SLC16A7: variants seen among roughly 807,000 people sequenced by gnomAD.
The protein encoded by SLC16A7 is solute carrier family 16 member 7, also known as monocarboxylate transporter 2.
Under a neutral mutation model 34.9 loss-of-function variants are expected in SLC16A7, and 33 were observed. That is an observed-to-expected ratio of 0.94 (90% confidence interval 0.72 to 1.26). SLC16A7 has a LOEUF of 1.26. SLC16A7 is among the 50% of genes most tolerant of loss of function. The pLI is 0.00. For synonymous variants in SLC16A7, 201 were observed against 206.6 expected, an observed-to-expected ratio of 0.97 and a Z score of 0.23; for missense variants, 573 against 578.1, an observed-to-expected ratio of 0.99 and a Z score of 0.09.
chr12:59,649,316 G>A (rs758238872), intron 1 of SLC16A7, among the ~76,000 whole-genome samples: 1 of 152,150 alleles, frequency 6.6e-6, no homozygotes, highest in Admixed American at 6.5e-5. Context: ...GTGCATAGCT[G>A]TGTAAGCGAG....
intron 2 of SLC16A7, among the ~76,000 whole-genome samples, chr12:59,655,629 A>G (rs2137023578): frequency 6.6e-6 from 1 of 152,068 alleles, no homozygotes; most frequent in Admixed American, 6.6e-5. Flanking sequence ...AGCTAGAGGT[A>G]TATACTTTTA....
rs543596862 is a variant in SLC16A7 at position 59,774,686 on chromosome 12, G to C, written c.391G>C (p.Ala131Pro). The C allele has an allele frequency of 6.2e-7, 1 of 1,600,346 alleles. No homozygotes were observed. Among genetic ancestry groups the C allele is most frequent in the South Asian group, 1.1e-5 (1 of 88,132 alleles). Residue 131 changes from alanine to proline, a missense_variant, in exon 5 of 6, where the codon GCC becomes CCC. Transcript: ENST00000547379. Reference protein sequence around the residue: ...GLGLAFNLQPALTIIGKYFYR... With the variant: ...GLGLAFNLQPPLTIIGKYFYR... ...AGGTTTAGCCTTCAACCTGCAACCC[G>C]CCTTAACCATAATTGGCAAATACTT...
intron 1 of SLC16A7, among the ~76,000 whole-genome samples, chr12:59,633,505 G>C (rs1174026426): frequency 6.6e-6 from 1 of 151,936 alleles, no homozygotes; most frequent in African/African-American, 2.4e-5. Flanking sequence ...CTAGTGTGGT[G>C]CTTCATTTTT....
chr12:59,605,325 C>T (rs1030062204), intron 1 of SLC16A7, among the ~76,000 whole-genome samples: 8 of 152,080 alleles, frequency 5.3e-5, no homozygotes, highest in South Asian at 2.1e-4. Context: ...CAGTAGGGAC[C>T]GAAGGAACAG....
chr12:59,624,383 T>A (rs1256651622), intron 1 of SLC16A7, among the ~76,000 whole-genome samples: 1 of 151,778 alleles, frequency 6.6e-6, no homozygotes, highest in Non-Finnish European at 1.5e-5. Flanking sequence ...TTTTTGATAA[T>A]CTTGCTACTT....
rs547825382 is a variant in SLC16A7 at position 59,748,432 on chromosome 12, A to T, written c.218-22787A>T. ...GCTAAAGTGTTGTGTCATGCCTAAA[A>T]CATGTGTGACACTTATCTCTATGTG... On this transcript the variant is annotated intron_variant, in intron 3 of 5. Coordinates refer to ENST00000547379, the MANE Select transcript of SLC16A7 (RefSeq NM_001270623.2). 2.6e-5 allele frequency among the ~76,000 whole-genome samples: 4 copies of T among 152,284 alleles called. No individual in the cohort carries two copies. In the East Asian group the frequency reaches 7.7e-4, roughly 29 times the overall value.
intron 1 of SLC16A7, among the ~76,000 whole-genome samples, chr12:59,631,015 A>G (rs1880158157): frequency 6.6e-6 from 1 of 151,912 alleles, no homozygotes; most frequent in South Asian, 2.1e-4. Context: ...GTCTTAGCTT[A>G]TTTTTGGCTA....
At chr12:59,665,336 G>C (rs1869104150) in intron 2 of SLC16A7, among the ~76,000 whole-genome samples, 1 of 151,680 alleles carries the variant, frequency 6.6e-6, no homozygotes, top group Non-Finnish European at 1.5e-5. Context: ...AAGACTAAAT[G>C]TTTAATCACT....
chr12:59,757,422 G>T (rs1040182013), intron 3 of SLC16A7, among the ~76,000 whole-genome samples: 1 of 152,080 alleles, frequency 6.6e-6, no homozygotes, highest in Non-Finnish European at 1.5e-5. Context: ...AGACAAAGTA[G>T]TTCCAGAAAA....
chr12:59,689,956 G>T (rs1004676139), intron 2 of SLC16A7, among the ~76,000 whole-genome samples: 7 of 151,964 alleles, frequency 4.6e-5, no homozygotes, highest in African/African-American at 1.7e-4. Context: ...TGGAATTCCA[G>T]GCTCTCTATG....
At chr12:59,658,714 C>G (rs935902159) in intron 2 of SLC16A7, among the ~76,000 whole-genome samples, 1 of 151,950 alleles carries the variant, frequency 6.6e-6, no homozygotes, top group Non-Finnish European at 1.5e-5. Context: ...TTTACATAGA[C>G]TATGGATTGT....
intron 3 of SLC16A7, among the ~76,000 whole-genome samples, chr12:59,762,966 G>A (rs12298625): frequency 0.017 from 2,632 of 152,012 alleles, 57 homozygotes; most frequent in African/African-American, 0.059. Flanking sequence ...ATTTTCATGG[G>A]TTTAAGTATT....
intron 1 of SLC16A7, among the ~76,000 whole-genome samples, chr12:59,629,857 T>C (rs778245436): frequency 2.6e-5 from 4 of 151,948 alleles, no homozygotes; most frequent in Non-Finnish European, 5.9e-5. Flanking sequence ...AAGAATCTGT[T>C]TTCTCTTTTG....
At chr12:59,603,416 T>C (rs1309727460) in intron 1 of SLC16A7, among the ~76,000 whole-genome samples, 2 of 152,174 alleles carry the variant, frequency 1.3e-5, no homozygotes, top group Non-Finnish European at 2.9e-5. Flanking sequence ...TCATGCCTCG[T>C]TCATTCTCAT....
At chr12:59,745,727 A>G (rs2137301882) in intron 3 of SLC16A7, among the ~76,000 whole-genome samples, 1 of 152,326 alleles carries the variant, frequency 6.6e-6, no homozygotes, top group East Asian at 1.9e-4. Context: ...TTTAAGATTA[A>G]TTTTGAAATT....
intron 1 of SLC16A7, among the ~76,000 whole-genome samples, chr12:59,623,524 A>T (rs982685669): frequency 6.6e-6 from 1 of 151,752 alleles, no homozygotes; most frequent in South Asian, 2.1e-4. Context: ...TTTAAGGAAA[A>T]CCTATATATT....
intron 1 of SLC16A7, among the ~76,000 whole-genome samples, chr12:59,605,633 AG>A (rs1878901482): frequency 6.6e-6 from 1 of 152,218 alleles, no homozygotes; most frequent in South Asian, 2.1e-4. Flanking sequence ...TAAATAGAAC[AG>A]GTAAGTCCTT....
At chr12:59,773,996 T>G (rs1366363587) in intron 4 of SLC16A7, among the ~76,000 whole-genome samples, 4 of 152,226 alleles carry the variant, frequency 2.6e-5, no homozygotes, top group Non-Finnish European at 5.9e-5. Flanking sequence ...AGTGGGACTT[T>G]GGCTCATATA....
chr12:59,774,787 C>T lies in SLC16A7; in HGVS notation c.492C>T (p.Phe164=), dbSNP rs749805085. The T allele has an allele frequency of 3.0e-5, 49 of 1,613,812 alleles. No homozygotes were observed. The highest frequency in any genetic ancestry group is 1.4e-5 in the Non-Finnish European group (17 of 1,179,934). The change falls in exon 5 of 6, where the codon TTC becomes TTT. Residue 164 remains phenylalanine (F), a synonymous_variant. Transcript: ENST00000547379. ...SPVFLSSLAP[F]NQYLFNTFGW... ...TTTTCTTAAGTTCATTGGCTCCTTT[C>T]AATCAGTACCTTTTTAATACTTTTG...
Sources: allele counts gnomAD v4.1 joint callset (sites outside exome capture counted in the v4.1 genomes callset), GRCh38; gene constraint gnomAD v4.1.1; transcripts MANE v1.5; gene names NCBI Gene and HGNC (gene_info 2026-07-23, HGNC 2026-07-21).